The following ROBO2 variants were observed in gnomAD, a reference collection of about 807,000 sequenced individuals.
ROBO2 encodes roundabout homolog 2.
ROBO2 carries 53 observed loss-of-function variants against 160.8 expected under a neutral mutation model. That is an observed-to-expected ratio of 0.33 (90% CI 0.26 to 0.41). The LOEUF is 0.41. ROBO2 is among the 10% of genes least tolerant of loss of function. The pLI, the probability that ROBO2 is intolerant of heterozygous loss-of-function variation, is 1.00. For missense variants in ROBO2, 1,577 were observed against 1,722.4 expected, an observed-to-expected ratio of 0.92 and a Z score of 1.49; for synonymous variants, 664 against 611.7, an observed-to-expected ratio of 1.09 and a Z score of -1.26.
At chr3:76,072,790 G>A (rs1258619817) in intron 2 of ROBO2, among the ~76,000 whole-genome samples, 3 of 152,122 alleles carry the variant, frequency 2.0e-5, no homozygotes, top group Admixed American at 6.6e-5. Context: ...GGCCTCAAGC[G>A]ATGTTCACGA....
intron 2 of ROBO2, among the ~76,000 whole-genome samples, chr3:76,229,757 T>C (rs1704508264): frequency 6.6e-6 from 1 of 152,160 alleles, no homozygotes; most frequent in Non-Finnish European, 1.5e-5. Context: ...TAGAATAATA[T>C]TCTATGTAAT....
At chr3:76,701,285 C>G (rs2093040016) in intron 2 of ROBO2, among the ~76,000 whole-genome samples, 1 of 152,050 alleles carries the variant, frequency 6.6e-6, no homozygotes, top group East Asian at 1.9e-4. Context: ...GTAATTTTGT[C>G]CTCTGCCTCA....
intron 2 of ROBO2, among the ~76,000 whole-genome samples, chr3:76,811,708 T>G (rs1192275607): frequency 6.6e-6 from 1 of 152,082 alleles, no homozygotes; most frequent in East Asian, 1.9e-4. Flanking sequence ...ATTTCAAGAC[T>G]TCATGCCTAT....
intron 2 of ROBO2, among the ~76,000 whole-genome samples, chr3:76,275,157 G>C (rs950794549): frequency 2.6e-5 from 4 of 152,136 alleles, no homozygotes; most frequent in African/African-American, 9.7e-5. Context: ...GCGAAGTGCT[G>C]TACTTATATT....
chr3:76,750,876 T>G (rs2093973957), intron 2 of ROBO2, among the ~76,000 whole-genome samples: 1 of 152,098 alleles, frequency 6.6e-6, no homozygotes, highest in African/African-American at 2.4e-5. Context: ...CTGCCAAAGG[T>G]AATTTATAGA....
chr3:76,399,683 G>A (rs1258026209), intron 2 of ROBO2, among the ~76,000 whole-genome samples: 1 of 151,748 alleles, frequency 6.6e-6, no homozygotes, highest in Non-Finnish European at 1.5e-5. Flanking sequence ...TAAGCATCAG[G>A]AAGTATGAGG....
At chr3:77,345,894 T>A (rs2067577887) in intron 2 of ROBO2, among the ~76,000 whole-genome samples, 1 of 152,194 alleles carries the variant, frequency 6.6e-6, no homozygotes, top group Admixed American at 6.6e-5. Flanking sequence ...ATTATTTGCC[T>A]GTTAATGTAG....
chr3:77,377,362 T>A (rs542319887), intron 2 of ROBO2, among the ~76,000 whole-genome samples: 1 of 152,344 alleles, frequency 6.6e-6, no homozygotes, highest in Admixed American at 6.5e-5. Context: ...AACAAATTCA[T>A]ATACTGTGTA....
intron 2 of ROBO2, among the ~76,000 whole-genome samples, chr3:76,047,215 C>G (rs1300023190): frequency 6.6e-6 from 1 of 152,140 alleles, no homozygotes. Flanking sequence ...ATAAGCCATG[C>G]TAATCCTATT....
intron 2 of ROBO2, among the ~76,000 whole-genome samples, chr3:76,624,796 C>CAAAAAAAAAAAAAAAAAAAAAAAA (rs57920315): frequency 4.3e-5 from 2 of 46,292 alleles, no homozygotes; most frequent in African/African-American, 1.0e-4. Context: ...GACTCCGTCT[C>CAAAAAAAAAAAAAAAAAAAAAAAA]AAAAAAAAAA....
At chr3:76,994,516 A>T (rs1464600674) in intron 2 of ROBO2, among the ~76,000 whole-genome samples, 1 of 152,218 alleles carries the variant, frequency 6.6e-6, no homozygotes, top group Admixed American at 6.5e-5. Flanking sequence ...ATAATAAAAC[A>T]TTTGTCTTCT....
intron 2 of ROBO2, among the ~76,000 whole-genome samples, chr3:77,208,474 G>A (rs1335887015): frequency 6.6e-6 from 1 of 152,160 alleles, no homozygotes; most frequent in Non-Finnish European, 1.5e-5. Flanking sequence ...TCAATAGCAT[G>A]TGGATAGCTG....
chr3:76,588,152 C>T (rs1298649377), intron 2 of ROBO2, among the ~76,000 whole-genome samples: 3 of 152,180 alleles, frequency 2.0e-5, no homozygotes, highest in Non-Finnish European at 2.9e-5. Flanking sequence ...CATTGTCTTT[C>T]TCTTCTCAAG....
chr3:76,641,134 A>C (rs2090655127), intron 2 of ROBO2, among the ~76,000 whole-genome samples: 2 of 152,212 alleles, frequency 1.3e-5, no homozygotes, highest in South Asian at 4.1e-4. Context: ...AATCAATGAT[A>C]AAATCAGTAG....
chr3:77,362,082 C>T (rs2070100909), intron 2 of ROBO2, among the ~76,000 whole-genome samples: 1 of 152,044 alleles, frequency 6.6e-6, no homozygotes, highest in Non-Finnish European at 1.5e-5. Context: ...GACATTCATA[C>T]ATATAGGGGA....
chr3:77,336,662 A>T (rs1291709403), intron 2 of ROBO2, among the ~76,000 whole-genome samples: 1 of 152,186 alleles, frequency 6.6e-6, no homozygotes, highest in Non-Finnish European at 1.5e-5. Context: ...GGCCTTCCAT[A>T]AGAAAGTAGC....
intron 2 of ROBO2, among the ~76,000 whole-genome samples, chr3:76,335,844 G>A (rs2073854236): frequency 6.6e-6 from 1 of 152,116 alleles, no homozygotes; most frequent in South Asian, 2.1e-4. Context: ...CCAAAGTGTT[G>A]GGATTACAGG....
intron 2 of ROBO2, among the ~76,000 whole-genome samples, chr3:76,797,215 A>G (rs1314233935): frequency 1.3e-5 from 2 of 152,176 alleles, no homozygotes; most frequent in Admixed American, 6.5e-5. Context: ...TAAGTCTTAC[A>G]AAATCAGAAA....
chr3:77,646,063 G>C (rs765075920), exon 26 of ROBO2: 1 of 1,593,370 alleles, frequency 6.3e-7, no homozygotes, highest in Non-Finnish European at 8.6e-7. Context: ...GAGTAAATGA[G>C]AGGAGACATA....
Sources: allele counts gnomAD v4.1 joint callset (sites outside exome capture counted in the v4.1 genomes callset), GRCh38; gene constraint gnomAD v4.1.1; transcripts MANE v1.5; gene names NCBI Gene and HGNC (gene_info 2026-07-23, HGNC 2026-07-21).